The following ELP4 variants were observed in gnomAD, a reference collection of about 807,000 sequenced individuals.
The protein encoded by ELP4 is elongator complex protein 4.
A neutral mutation model predicts 48.9 loss-of-function variants in ELP4; 51 were observed. The ratio of observed to expected loss-of-function variants is 1.04; its 90% CI spans 0.83 to 1.32. The LOEUF is 1.32. Ranked by LOEUF, ELP4 falls within the 40% of genes most tolerant of loss-of-function variation. The probability of loss-of-function intolerance (pLI) is 0.00; values close to 1 mark genes in which losing one functional copy is unlikely to be tolerated. For missense variants in ELP4, 519 were observed against 514.6 expected (o/e 1.01, Z -0.08); for synonymous variants, 210 against 189.2 (o/e 1.11, Z -0.90).
At chr11:31,595,877 T>A (rs779665225) in intron 4 of ELP4, among the ~76,000 whole-genome samples, 1 of 152,080 alleles carries the variant, frequency 6.6e-6, no homozygotes, top group Non-Finnish European at 1.5e-5. Flanking sequence ...TATAATCTAA[T>A]CCAAGCCTAC....
intron 9 of ELP4, among the ~76,000 whole-genome samples, chr11:31,745,707 G>T (rs1947573559): frequency 6.6e-6 from 1 of 152,130 alleles, no homozygotes; most frequent in Admixed American, 6.5e-5. Flanking sequence ...GCTGAAACTG[G>T]ATCCCTTCCT....
intron 9 of ELP4, among the ~76,000 whole-genome samples, chr11:31,689,940 C>T (rs1294958706): frequency 6.6e-6 from 1 of 152,112 alleles, no homozygotes; most frequent in East Asian, 1.9e-4. Flanking sequence ...GCAAACAATA[C>T]TCTGTTCTCC....
chr11:31,595,309 A>G (rs1367270406), intron 4 of ELP4, among the ~76,000 whole-genome samples: 1 of 152,182 alleles, frequency 6.6e-6, no homozygotes, highest in Non-Finnish European at 1.5e-5. Flanking sequence ...TATTCAGAAC[A>G]GACAGAATAG....
intron 5 of ELP4, among the ~76,000 whole-genome samples, chr11:31,614,982 A>C (rs6484515): frequency 6.6e-6 from 1 of 151,994 alleles, no homozygotes; most frequent in African/African-American, 2.4e-5. Context: ...ACTTGAATGG[A>C]GTGTGAGGAT....
intron 3 of ELP4, among the ~76,000 whole-genome samples, chr11:31,548,775 T>C (rs1182492087): frequency 2.6e-5 from 4 of 152,188 alleles, no homozygotes; most frequent in Admixed American, 1.3e-4. Flanking sequence ...ATGGTACTGG[T>C]ACCAAAACAG....
intron 9 of ELP4, chr11:31,650,600 T>C (rs1945299573): frequency 6.0e-6 from 1 of 167,064 alleles, no homozygotes; most frequent in Admixed American, 6.4e-5. Flanking sequence ...CTAAGAGGAT[T>C]CTTATCTACA....
chr11:31,674,546 G>A (rs1419326669), intron 9 of ELP4, among the ~76,000 whole-genome samples: 1 of 152,146 alleles, frequency 6.6e-6, no homozygotes, highest in Admixed American at 6.5e-5. Flanking sequence ...GAGTATATTT[G>A]GAAAGCTGTG....
intron 4 of ELP4, among the ~76,000 whole-genome samples, chr11:31,597,718 C>G (rs990154594): frequency 2.6e-5 from 4 of 151,548 alleles, no homozygotes; most frequent in Non-Finnish European, 5.9e-5. Context: ...ACTATAGTTG[C>G]CCACCACCAC....
intron 9 of ELP4, among the ~76,000 whole-genome samples, chr11:31,742,889 C>T (rs534142193): frequency 3.2e-4 from 48 of 152,250 alleles, no homozygotes; most frequent in South Asian, 2.9e-3. Flanking sequence ...GGATCAAATT[C>T]ACACATAACA....
chr11:31,579,517 A>G (rs1323844541), intron 3 of ELP4, among the ~76,000 whole-genome samples: 1 of 152,184 alleles, frequency 6.6e-6, no homozygotes, highest in East Asian at 1.9e-4. Flanking sequence ...TCGCAATAGC[A>G]AAGACTGGGA....
rs202226978 is a variant in ELP4 at position 31,632,280 on chromosome 11, G to A, written c.802G>A (p.Asp268Asn). ...QNLGSPLWGD[D>N]ICCAENGGNS... ...TCTTGGCTCACCTTTATGGGGAGAC[G>A]ATATTTGCTGTGCAGAAAATGGTGG... The change falls in exon 7 of 10, where the codon GAT becomes AAT. Residue 268 changes from aspartate (D) to asparagine (N), a missense_variant. Coordinates refer to ENST00000640961, the MANE Select transcript of ELP4 (RefSeq NM_019040.5). 10 of 1,612,622 alleles carry A rather than the reference G, an allele frequency of 6.2e-6. No homozygotes were observed. Among genetic ancestry groups the A allele is most frequent in the African/African-American group, 1.3e-5 (1 of 74,890 alleles).
intron 5 of ELP4, among the ~76,000 whole-genome samples, chr11:31,605,926 A>G (rs1475033827): frequency 2.0e-5 from 3 of 149,008 alleles, no homozygotes; most frequent in African/African-American, 4.9e-5. Flanking sequence ...AGTTTCTAAA[A>G]CCTCTGCTCT....
At chr11:31,760,131 A>C (rs1469304551) in intron 9 of ELP4, among the ~76,000 whole-genome samples, 2 of 152,124 alleles carry the variant, frequency 1.3e-5, no homozygotes, top group Non-Finnish European at 2.9e-5. Flanking sequence ...TTTGGGATGG[A>C]CTCTATATCA....
intron 9 of ELP4, among the ~76,000 whole-genome samples, chr11:31,684,474 T>A (rs1946121321): frequency 6.6e-6 from 1 of 152,152 alleles, no homozygotes; most frequent in South Asian, 2.1e-4. Context: ...CCCAAAGTGC[T>A]GGGATTAAAG....
At chr11:31,646,060 G>C (rs1300639637) in intron 7 of ELP4, 1 of 151,720 alleles carries the variant, frequency 6.6e-6, no homozygotes, top group African/African-American at 2.4e-5. Flanking sequence ...GAAATATTGA[G>C]AGGAACATGT....
At chr11:31,682,055 T>C (rs915625520) in intron 9 of ELP4, 1 of 1,295,544 alleles carries the variant, frequency 7.7e-7, no homozygotes, top group African/African-American at 1.5e-5. Flanking sequence ...GCTTTGTATT[T>C]CAAAGAGAAC....
chr11:31,688,532 C>T (rs145352997), intron 9 of ELP4, among the ~76,000 whole-genome samples: 1 of 152,116 alleles, frequency 6.6e-6, no homozygotes, highest in African/African-American at 2.4e-5. Flanking sequence ...AAATTTCATA[C>T]TAGAATACAG....
At chr11:31,665,619 T>C (rs1324074947) in intron 9 of ELP4, among the ~76,000 whole-genome samples, 1 of 151,454 alleles carries the variant, frequency 6.6e-6, no homozygotes, top group Non-Finnish European at 1.5e-5. Flanking sequence ...TCTCAGTAAA[T>C]TTTTATATTA....
chr11:31,623,161 T>A (rs1299110430), intron 5 of ELP4, among the ~76,000 whole-genome samples: 1 of 150,514 alleles, frequency 6.6e-6, no homozygotes, highest in East Asian at 1.9e-4. Context: ...TAACGTAATC[T>A]TTGTTGAATG....
Sources: gnomAD v4.1 joint callset for allele counts (sites outside exome capture counted in the v4.1 genomes callset) on GRCh38, gnomAD v4.1.1 for gene constraint, MANE v1.5 for transcripts, NCBI Gene and HGNC (gene_info 2026-07-23, HGNC 2026-07-21) for gene names.